The following PSMD1 variants were observed in gnomAD, a reference collection of about 807,000 sequenced individuals.
PSMD1 encodes the protein 26S proteasome non-ATPase regulatory subunit 1.
Under a neutral mutation model 119.0 loss-of-function variants are expected in PSMD1, and 18 were observed. The ratio of observed to expected loss-of-function variants is 0.15; its 90% CI spans 0.10 to 0.22. PSMD1 has a LOEUF of 0.22. PSMD1 is among the 10% of genes least tolerant of loss of function. The pLI, the probability that PSMD1 is intolerant of heterozygous loss-of-function variation, is 1.00. For synonymous variants in PSMD1, 374 were observed against 396.6 expected (o/e 0.94, Z 0.68); for missense variants, 702 against 1,158.5 (o/e 0.61, Z 5.72).
chr2:231,142,253 G>A (rs1188920677), intron 17 of PSMD1, among the ~76,000 whole-genome samples: 1 of 152,136 alleles, frequency 6.6e-6, no homozygotes, highest in Non-Finnish European at 1.5e-5. Context: ...ACATGAGAAT[G>A]TATCTTCAGT....
intron 16 of PSMD1, among the ~76,000 whole-genome samples, chr2:231,128,922 G>A (rs969508179): frequency 6.6e-6 from 1 of 152,112 alleles, no homozygotes; most frequent in East Asian, 1.9e-4. Flanking sequence ...CAGAACAAAA[G>A]AATAAGATTT....
chr2:231,126,717 C>T (rs1016899323), intron 16 of PSMD1, among the ~76,000 whole-genome samples: 3 of 151,982 alleles, frequency 2.0e-5, no homozygotes, highest in African/African-American at 7.2e-5. Flanking sequence ...CTCACATTCA[C>T]TCATTTTTTG....
chr2:231,133,296 G>A (rs77199363), intron 16 of PSMD1, among the ~76,000 whole-genome samples: 5,326 of 152,154 alleles, frequency 0.035, 111 homozygotes, highest in East Asian at 0.11. Context: ...TGTTAGCCAG[G>A]CTAGTCACGA....
intron 19 of PSMD1, among the ~76,000 whole-genome samples, chr2:231,157,595 C>G (rs960932528): frequency 3.6e-4 from 54 of 149,002 alleles, no homozygotes; most frequent in African/African-American, 1.3e-3. Context: ...TTGGGGGGGG[C>G]CAATTCTGTC....
chr2:231,065,837 G>A (rs892878658), intron 4 of PSMD1, among the ~76,000 whole-genome samples: 1 of 152,142 alleles, frequency 6.6e-6, no homozygotes, highest in Non-Finnish European at 1.5e-5. Context: ...TGAATTTTCA[G>A]ACACCTTCTT....
intron 17 of PSMD1, among the ~76,000 whole-genome samples, chr2:231,139,518 A>G (rs1696054026): frequency 6.9e-6 from 1 of 144,282 alleles, no homozygotes; most frequent in African/African-American, 2.6e-5. Context: ...CAGTGCTGAG[A>G]TTACAGGCAT....
intron 16 of PSMD1, among the ~76,000 whole-genome samples, chr2:231,094,252 TG>T (rs1372916911): frequency 3.9e-5 from 6 of 152,052 alleles, no homozygotes; most frequent in Non-Finnish European, 8.8e-5. Flanking sequence ...GAGTTTAAAT[TG>T]TTTAGTTAAA....
At chr2:231,161,916 A>T (rs1696650324) in intron 20 of PSMD1, among the ~76,000 whole-genome samples, 1 of 152,258 alleles carries the variant, frequency 6.6e-6, no homozygotes, top group African/African-American at 2.4e-5. Context: ...TTACAATGCT[A>T]TTGCAGTAGT....
intron 5 of PSMD1, among the ~76,000 whole-genome samples, chr2:231,067,365 C>T (rs1326743839): frequency 6.6e-6 from 1 of 152,136 alleles, no homozygotes; most frequent in Non-Finnish European, 1.5e-5. Flanking sequence ...TTACTCTGCC[C>T]TTTTTAAGAA....
At chr2:231,091,193 G>C (rs922069392) in intron 16 of PSMD1, among the ~76,000 whole-genome samples, 1 of 152,150 alleles carries the variant, frequency 6.6e-6, no homozygotes, top group Non-Finnish European at 1.5e-5. Flanking sequence ...CACAATTTGT[G>C]GGTAATTAAC....
chr2:231,065,276 GT>G (rs974932639), intron 4 of PSMD1, among the ~76,000 whole-genome samples: 2 of 148,150 alleles, frequency 1.3e-5, no homozygotes, highest in African/African-American at 2.5e-5. Context: ...TTGTTTTTTT[GT>G]TTTTTTTGTT....
At chr2:231,137,262 CCCACCACCA>C (rs1695994509) in intron 16 of PSMD1, among the ~76,000 whole-genome samples, 2 of 151,558 alleles carry the variant, frequency 1.3e-5, no homozygotes, top group African/African-American at 4.9e-5. Context: ...GTTGCAGTTG[CCCACCACCA>C]TGCCTGGCTA....
chr2:231,112,053 G>A (rs889451631), intron 16 of PSMD1, among the ~76,000 whole-genome samples: 11 of 152,028 alleles, frequency 7.2e-5, no homozygotes, highest in Admixed American at 3.9e-4. Flanking sequence ...TTATTAGCTT[G>A]ATCACATTTC....
chr2:231,078,160 C>T lies in PSMD1; in HGVS notation c.1072-499C>T, dbSNP rs150365794. Among the ~76,000 whole-genome samples the T allele has an allele frequency of 3.8e-3, 573 of 152,190 alleles. 5 individuals carry two copies. Among genetic ancestry groups the T allele is most frequent in the African/African-American group, 0.013 (526 of 41,534 alleles). On this transcript the variant is annotated intron_variant, in intron 9 of 24. Coordinates refer to ENST00000308696, the MANE Select transcript of PSMD1 (RefSeq NM_002807.4). ...GTACATACCTGTAATCCCAGCTACT[C>T]GCGAGACTGAGGCAGGAGAATCGCT...
At chr2:231,148,502 T>C (rs982983457) in intron 18 of PSMD1, among the ~76,000 whole-genome samples, 1 of 152,206 alleles carries the variant, frequency 6.6e-6, no homozygotes, top group Non-Finnish European at 1.5e-5. Context: ...TGCAGATACA[T>C]GGGGCACACT....
intron 20 of PSMD1, among the ~76,000 whole-genome samples, chr2:231,162,826 CAA>C (rs559646312): frequency 1.7e-4 from 17 of 101,844 alleles, no homozygotes; most frequent in Admixed American, 3.2e-4. Flanking sequence ...AACTCTGTCT[CAA>C]AAAAAAAAAA....
At chr2:231,144,855 T>G (rs1157252227) in intron 17 of PSMD1, among the ~76,000 whole-genome samples, 1 of 152,212 alleles carries the variant, frequency 6.6e-6, no homozygotes, top group Non-Finnish European at 1.5e-5. Flanking sequence ...TGTGCTGGAT[T>G]TTGTTTGTTT....
chr2:231,078,613 T>A (rs753081151), intron 9 of PSMD1, 46 bp from the exon 10 acceptor site: 1 of 1,470,054 alleles, frequency 6.8e-7, no homozygotes, highest in Non-Finnish European at 9.4e-7. Context: ...TGTGCATATA[T>A]GAATACTTTG....
Position 231,077,016 on chromosome 2 carries a change from T to TTTTG in PSMD1, c.943-10_943-7dup. 1 of 1,580,638 alleles carries TTTTG rather than the reference T, an allele frequency of 6.3e-7. No individual in the cohort carries two copies. Among genetic ancestry groups the TTTTG allele is most frequent in the African/African-American group, 1.4e-5 (1 of 72,502 alleles). ...TACTGTTTATGAGTTTTCATTTTTT[T>TTTTG]TTTGTTTGTTTTGGCAGAGTCCAGA... On this transcript the variant is annotated splice_polypyrimidine_tract_variant and intron_variant, in intron 8 of 24. Coordinates refer to ENST00000308696, the MANE Select transcript of PSMD1 (RefSeq NM_002807.4).
Sources: gnomAD v4.1 joint callset for allele counts (sites outside exome capture counted in the v4.1 genomes callset) on GRCh38, gnomAD v4.1.1 for gene constraint, MANE v1.5 for transcripts, NCBI Gene and HGNC (gene_info 2026-07-23, HGNC 2026-07-21) for gene names.